DAB1: variants seen among roughly 807,000 people sequenced by gnomAD.
The protein encoded by DAB1 is DAB adaptor protein 1.
DAB1 carries 15 observed loss-of-function variants against 64.6 expected under a neutral mutation model. The observed-to-expected ratio is 0.23, with a 90% CI of 0.16 to 0.36. The LOEUF (loss-of-function observed/expected upper bound fraction) is 0.36. Among genes scored for constraint, DAB1 ranks in the 10% least tolerant of loss-of-function variants. The pLI, the probability that DAB1 is intolerant of heterozygous loss-of-function variation, is 1.00. For synonymous variants in DAB1, 235 were observed against 251.9 expected (o/e 0.93, Z 0.64); for missense variants, 596 against 706.7 (o/e 0.84, Z 1.78).
chr1:58,033,166 T>C (rs1443979046), intron 5 of DAB1, among the ~76,000 whole-genome samples: 1 of 152,212 alleles, frequency 6.6e-6, no homozygotes, highest in East Asian at 1.9e-4. Flanking sequence ...CAGATGGATT[T>C]GTCAGGGGAT....
At chr1:58,170,034 G>A (rs544068505) in intron 4 of DAB1, among the ~76,000 whole-genome samples, 10 of 152,284 alleles carry the variant, frequency 6.6e-5, no homozygotes, top group South Asian at 6.2e-4. Context: ...ATCAAACCCC[G>A]GCATTTAATG....
intron 7 of DAB1, among the ~76,000 whole-genome samples, chr1:57,528,783 G>GA (rs60623072): frequency 0.96 from 146,415 of 152,084 alleles, 70,691 homozygotes; most frequent in East Asian, 1. Context: ...ACTTAAAGAT[G>GA]AAAAGGCCTG....
intron 4 of DAB1, among the ~76,000 whole-genome samples, chr1:57,134,976 T>A (rs1345649909): frequency 6.6e-6 from 1 of 152,202 alleles, no homozygotes; most frequent in Non-Finnish European, 1.5e-5. Context: ...ATTGTTAGTA[T>A]CACCTCATAG....
intron 1 of DAB1, among the ~76,000 whole-genome samples, chr1:58,531,668 T>G (rs775161320): frequency 8.6e-5 from 13 of 152,004 alleles, no homozygotes; most frequent in Non-Finnish European, 8.8e-5. Flanking sequence ...CCTCATTACT[T>G]TGCCTCAAAA....
intron 6 of DAB1, among the ~76,000 whole-genome samples, chr1:57,696,411 A>T (rs553348107): frequency 7.9e-5 from 12 of 152,256 alleles, no homozygotes; most frequent in African/African-American, 2.6e-4. Context: ...AGTGGATAGT[A>T]TGAGAAACTG....
chr1:57,410,790 C>T lies in DAB1; in HGVS notation c.-137+13140G>A, dbSNP rs56974219. ...GGTATCAGGTTAACCAAGTGGTTGTCTTTTCTTTTCCTTAATCTTGTTTTA... is the reference window on the plus strand; with the variant it reads ...GGTATCAGGTTAACCAAGTGGTTGTTTTTTCTTTTCCTTAATCTTGTTTTA... On this transcript the variant is annotated intron_variant, in intron 1 of 14. Coordinates refer to ENST00000371236, the MANE Select transcript of DAB1 (RefSeq NM_001365792.1). Among the ~76,000 whole-genome samples, 19 of 152,302 alleles carry T rather than the reference C, an allele frequency of 1.2e-4. No homozygotes were observed. The East Asian group carries it at 3.7e-3, about 29-fold the overall frequency.
chr1:58,096,007 C>A (rs560105227), intron 5 of DAB1, among the ~76,000 whole-genome samples: 1 of 152,256 alleles, frequency 6.6e-6, no homozygotes, highest in South Asian at 2.1e-4. Context: ...GGGGCTCTAC[C>A]CAGATTCAGC....
At chr1:58,058,983 C>T (rs1471101345) in intron 5 of DAB1, among the ~76,000 whole-genome samples, 3 of 152,210 alleles carry the variant, frequency 2.0e-5, no homozygotes, top group Non-Finnish European at 4.4e-5. Context: ...GCCATCTGCT[C>T]TACCTCAGTT....
At chr1:57,054,852 G>C (rs531324334) in intron 9 of DAB1, among the ~76,000 whole-genome samples, 3 of 152,150 alleles carry the variant, frequency 2.0e-5, no homozygotes, top group African/African-American at 7.2e-5. Context: ...TTATCAGCCC[G>C]AAGAAACAAA....
At chr1:58,444,811 A>C (rs1645048145) in intron 3 of DAB1, among the ~76,000 whole-genome samples, 1 of 152,190 alleles carries the variant, frequency 6.6e-6, no homozygotes, top group African/African-American at 2.4e-5. Context: ...AGAAGGCTAG[A>C]AGCCCTTTGT....
intron 9 of DAB1, among the ~76,000 whole-genome samples, chr1:57,037,709 T>A (rs968197105): frequency 1.3e-5 from 2 of 152,256 alleles, no homozygotes; most frequent in East Asian, 3.9e-4. Flanking sequence ...TAGGAGTTTA[T>A]GCTATGCTCT....
intron 5 of DAB1, among the ~76,000 whole-genome samples, chr1:58,107,257 G>C (rs1331983489): frequency 6.8e-6 from 1 of 148,104 alleles, no homozygotes; most frequent in Admixed American, 6.8e-5. Context: ...TCAGGAGTTT[G>C]AGATCAGCTT....
chr1:58,282,170 T>C (rs1244908065), intron 4 of DAB1, among the ~76,000 whole-genome samples: 2 of 152,214 alleles, frequency 1.3e-5, no homozygotes, highest in African/African-American at 4.8e-5. Context: ...TTCACTTTTA[T>C]CTTAAGTGTT....
At chr1:57,167,602 T>C (rs1661324960) in intron 2 of DAB1, among the ~76,000 whole-genome samples, 2 of 152,198 alleles carry the variant, frequency 1.3e-5, no homozygotes, top group South Asian at 4.1e-4. Context: ...CACCGTTTAA[T>C]CTGCCTTCTA....
intron 3 of DAB1, among the ~76,000 whole-genome samples, chr1:58,484,093 C>T (rs1256627710): frequency 6.6e-6 from 1 of 152,176 alleles, no homozygotes; most frequent in East Asian, 1.9e-4. Flanking sequence ...CTTATTCAGT[C>T]TTTTTAATAC....
chr1:58,193,522 A>G (rs1657503717), intron 4 of DAB1, among the ~76,000 whole-genome samples: 1 of 152,242 alleles, frequency 6.6e-6, no homozygotes, highest in Non-Finnish European at 1.5e-5. Flanking sequence ...CAACAATTCT[A>G]TGAAATAAGT....
chr1:57,640,589 C>A (rs1646116654), intron 7 of DAB1, among the ~76,000 whole-genome samples: 1 of 152,156 alleles, frequency 6.6e-6, no homozygotes, highest in African/African-American at 2.4e-5. Flanking sequence ...TTATTGCACT[C>A]CCCTGAGAGC....
chr1:57,413,536 T>C (rs978294568), intron 1 of DAB1, among the ~76,000 whole-genome samples: 4 of 151,826 alleles, frequency 2.6e-5, no homozygotes, highest in African/African-American at 9.7e-5. Context: ...GGTCAGGAGA[T>C]CGAGACCATC....
chr1:57,057,844 C>A lies in DAB1; in HGVS notation c.723+5040G>T, dbSNP rs7529975. Among the ~76,000 whole-genome samples the A allele has an allele frequency of 1.6e-3, 246 of 152,018 alleles. 1 individual carries two copies. The highest frequency in any genetic ancestry group is 6.4e-3 in the East Asian group (33 of 5,160). On this transcript the variant is annotated intron_variant, in intron 9 of 14. Coordinates refer to ENST00000371236, the MANE Select transcript of DAB1 (RefSeq NM_001365792.1). ...AGGATGGTCTCGATCTCCTGACCTCCTGATCCGCCCGCCTTGGCCTCCCAA... is the reference window on the plus strand; with the variant it reads ...AGGATGGTCTCGATCTCCTGACCTCATGATCCGCCCGCCTTGGCCTCCCAA...
Sources: gnomAD v4.1 joint callset for allele counts (sites outside exome capture counted in the v4.1 genomes callset) on GRCh38, gnomAD v4.1.1 for gene constraint, MANE v1.5 for transcripts, NCBI Gene and HGNC (gene_info 2026-07-23, HGNC 2026-07-21) for gene names.